The following MTHFD1L variants were observed in gnomAD, a reference collection of about 807,000 sequenced individuals.
The protein encoded by MTHFD1L is methylenetetrahydrofolate dehydrogenase (NADP+ dependent) 1 like.
In MTHFD1L, 81 loss-of-function variants were observed where a neutral mutation model predicts 119.5. That is an observed-to-expected ratio of 0.68 (90% CI 0.57 to 0.82). The LOEUF is 0.82. Among genes scored for constraint, MTHFD1L ranks in the 40% least tolerant of loss-of-function variants. The probability of loss-of-function intolerance (pLI) is 0.00; values close to 1 mark genes in which losing one functional copy is unlikely to be tolerated. For synonymous variants in MTHFD1L, 430 were observed against 475.2 expected, an observed-to-expected ratio of 0.90 and a Z score of 1.24; for missense variants, 1,125 against 1,253.4, an observed-to-expected ratio of 0.90 and a Z score of 1.55.
intron 26 of MTHFD1L, among the ~76,000 whole-genome samples, chr6:151,056,829 G>A (rs1790021266): frequency 6.6e-6 from 1 of 152,196 alleles, no homozygotes; most frequent in African/African-American, 2.4e-5. Context: ...TTCTGACCTG[G>A]GAGGGAAGGG....
At chr6:151,029,457 T>TATAG (rs1011713275) in intron 24 of MTHFD1L, among the ~76,000 whole-genome samples, 16 of 150,948 alleles carry the variant, frequency 1.1e-4, no homozygotes, top group African/African-American at 2.7e-4. Context: ...ATACATATTA[T>TATAG]ATAGATAGAT....
intron 26 of MTHFD1L, among the ~76,000 whole-genome samples, chr6:151,087,544 A>G (rs183832130): frequency 2.0e-3 from 308 of 152,340 alleles, no homozygotes; most frequent in Non-Finnish European, 3.6e-3. Flanking sequence ...ATTTCAGGCA[A>G]AATCAGAAAA....
At chr6:150,988,660 G>A (rs1418999045) in intron 20 of MTHFD1L, among the ~76,000 whole-genome samples, 5 of 152,156 alleles carry the variant, frequency 3.3e-5, no homozygotes, top group African/African-American at 9.7e-5. Context: ...AGGCTGGAGT[G>A]CAATGATGTA....
At chr6:150,916,609 G>A (rs181649485) in intron 8 of MTHFD1L, among the ~76,000 whole-genome samples, 10 of 149,090 alleles carry the variant, frequency 6.7e-5, no homozygotes, top group Non-Finnish European at 1.2e-4. Flanking sequence ...GATTACAGGC[G>A]TGAGCCACTA....
chr6:151,099,822 C>G, intron 27 of MTHFD1L: 2 of 1,602,644 alleles, frequency 1.2e-6, no homozygotes, highest in Non-Finnish European at 8.5e-7. Context: ...GTGCCGAGAT[C>G]GCTCACAATG....
intron 7 of MTHFD1L, among the ~76,000 whole-genome samples, chr6:150,890,228 A>G (rs1347630288): frequency 1.3e-5 from 2 of 152,192 alleles, no homozygotes; most frequent in Admixed American, 6.6e-5. Flanking sequence ...AAACTTGCCC[A>G]TATATATACA....
intron 25 of MTHFD1L, among the ~76,000 whole-genome samples, chr6:151,035,248 C>G (rs149638474): frequency 3.9e-3 from 592 of 152,266 alleles, no homozygotes; most frequent in African/African-American, 0.013. Context: ...AACTCCACTA[C>G]AGGAGGCTCA....
chr6:150,991,659 T>C (rs1271457299), intron 20 of MTHFD1L, among the ~76,000 whole-genome samples: 1 of 152,186 alleles, frequency 6.6e-6, no homozygotes, highest in Non-Finnish European at 1.5e-5. Context: ...ACGACAGGCA[T>C]GTGACTGTAG....
At chr6:150,980,239 C>A (rs372570226) in intron 20 of MTHFD1L, among the ~76,000 whole-genome samples, 1 of 152,194 alleles carries the variant, frequency 6.6e-6, no homozygotes, top group African/African-American at 2.4e-5. Flanking sequence ...TGTTTTTCAG[C>A]CCCTGTCTTC....
intron 26 of MTHFD1L, among the ~76,000 whole-genome samples, chr6:151,081,276 A>T (rs1793137015): frequency 6.6e-6 from 1 of 152,118 alleles, no homozygotes; most frequent in South Asian, 2.1e-4. Context: ...AGCACTGATG[A>T]GGTGACTCCC....
chr6:150,893,641 A>T (rs1369262552), intron 7 of MTHFD1L, among the ~76,000 whole-genome samples: 1 of 152,074 alleles, frequency 6.6e-6, no homozygotes, highest in African/African-American at 2.4e-5. Flanking sequence ...TGAGGGTGAA[A>T]GGTTTGGGCA....
chr6:150,883,607 T>C (rs901856529), intron 5 of MTHFD1L, among the ~76,000 whole-genome samples: 1 of 152,184 alleles, frequency 6.6e-6, no homozygotes, highest in African/African-American at 2.4e-5. Context: ...AAATAAATAC[T>C]TTTCTTAATG....
At chr6:150,914,233 G>T (rs959240681) in intron 8 of MTHFD1L, among the ~76,000 whole-genome samples, 1 of 152,180 alleles carries the variant, frequency 6.6e-6, no homozygotes, top group Non-Finnish European at 1.5e-5. Context: ...GGAGGCGGGG[G>T]TTACAGGGAG....
chr6:151,077,668 G>T (rs932840077), intron 26 of MTHFD1L, among the ~76,000 whole-genome samples: 4 of 145,596 alleles, frequency 2.7e-5, no homozygotes, highest in Non-Finnish European at 6.1e-5. Context: ...GCGGCAGAGT[G>T]AAACTGTGTC....
intron 26 of MTHFD1L, chr6:151,041,697 A>C (rs1338941258): frequency 4.4e-6 from 2 of 458,356 alleles, no homozygotes; most frequent in Non-Finnish European, 8.9e-6. Flanking sequence ...GATAGACTCC[A>C]GTAAATAAAA....
intron 16 of MTHFD1L, among the ~76,000 whole-genome samples, chr6:150,950,971 G>A (rs990123377): frequency 6.6e-6 from 1 of 151,712 alleles, no homozygotes; most frequent in South Asian, 2.1e-4. Flanking sequence ...GCCTGGCTTG[G>A]GTAGTTTTTT....
At chr6:150,932,325 T>C (rs1791199754) in intron 11 of MTHFD1L, among the ~76,000 whole-genome samples, 1 of 152,116 alleles carries the variant, frequency 6.6e-6, no homozygotes, top group Non-Finnish European at 1.5e-5. Flanking sequence ...TCAGAATGCT[T>C]ATCATGAAGC....
chr6:150,885,848 A>G (rs1239330910), intron 6 of MTHFD1L, 114 bp downstream of exon 6: 1 of 728,520 alleles, frequency 1.4e-6, no homozygotes, highest in Non-Finnish European at 2.2e-6. Context: ...TTATTCTGAT[A>G]TCCTTTTAGG....
intron 18 of MTHFD1L, among the ~76,000 whole-genome samples, chr6:150,962,180 G>C (rs977143877): frequency 3.9e-5 from 6 of 151,936 alleles, no homozygotes; most frequent in African/African-American, 1.5e-4. Context: ...AGTAGAGATG[G>C]GGTTTCACCA....
Sources: allele counts gnomAD v4.1 joint callset (sites outside exome capture counted in the v4.1 genomes callset), GRCh38; gene constraint gnomAD v4.1.1; transcripts MANE v1.5; gene names NCBI Gene and HGNC (gene_info 2026-07-23, HGNC 2026-07-21).